The following OLFM4 variants were observed in gnomAD, a reference collection of about 807,000 sequenced individuals.
OLFM4 encodes the protein olfactomedin 4, also known as olfactomedin-4.
Under a neutral mutation model 25.5 loss-of-function variants are expected in OLFM4, and 22 were observed. That is an observed-to-expected ratio of 0.86 (90% CI 0.62 to 1.23). The LOEUF is 1.23. Among genes scored for constraint, OLFM4 ranks in the 50% most tolerant of loss-of-function variants. OLFM4 has a pLI of 0.00. For synonymous variants in OLFM4, 255 were observed against 237.7 expected (o/e 1.07, Z -0.67); for missense variants, 594 against 619.4 (o/e 0.96, Z 0.44).
In OLFM4 at chr13:53,041,945, A is replaced by G; in HGVS notation, c.393A>G (p.Glu131=). Residue 131 remains glutamate, a synonymous_variant, in exon 3 of 5, where the codon GAA becomes GAG. Transcript: ENST00000219022. ...ATGTCCAATTAATTAGTGTGTATGA[A>G]AAGAAACTGTTAAACCTAACTGTCC... is the stretch of plus-strand genomic sequence containing the variant. The part of the protein sequence containing the change: ...REYVQLISVY[E]KKLLNLTVRI... 6.2e-7 allele frequency: 1 copy of G among 1,613,970 alleles called. No homozygotes were observed. The highest frequency in any genetic ancestry group is 1.7e-4 in the Middle Eastern group (1 of 6,058).
chr13:53,037,857 G>A (rs996931503), intron 2 of OLFM4, among the ~76,000 whole-genome samples: 8 of 152,178 alleles, frequency 5.3e-5, no homozygotes, highest in African/African-American at 1.9e-4. Flanking sequence ...TGAGAGACTG[G>A]CAGAAACATG....
intron 4 of OLFM4, among the ~76,000 whole-genome samples, chr13:53,045,105 C>T (rs1189941284): frequency 6.6e-6 from 1 of 152,066 alleles, no homozygotes; most frequent in East Asian, 1.9e-4. Flanking sequence ...GTCTTTGCTC[C>T]CTGGTCAGTT....
intron 4 of OLFM4, among the ~76,000 whole-genome samples, chr13:53,044,550 T>G (rs116359429): frequency 7.9e-5 from 12 of 152,262 alleles, no homozygotes; most frequent in African/African-American, 2.9e-4. Flanking sequence ...TTCAGGTGGA[T>G]TTTTTTCCTC....
At chr13:53,034,853 C>A (rs1451103131) in intron 2 of OLFM4, among the ~76,000 whole-genome samples, 1 of 152,162 alleles carries the variant, frequency 6.6e-6, no homozygotes, top group East Asian at 1.9e-4. Flanking sequence ...TAGGTCTTTC[C>A]TCAAGCTTTG....
At chr13:53,038,188 C>T (rs527312432) in intron 2 of OLFM4, among the ~76,000 whole-genome samples, 5 of 152,084 alleles carry the variant, frequency 3.3e-5, no homozygotes, top group East Asian at 1.9e-4. Context: ...TGTTTAGCAG[C>T]GTCCCTGGTC....
At position 53,051,867 on chromosome 13, in the gene OLFM4, A is replaced by G. The variant is rs1288206142; in HGVS notation, c.*1096A>G. ...GAGCTATAGAAAAGCTATTGAGAGT[A>G]TCTAGTTAATCAGTGCAGTAGTTGG... is the stretch of plus-strand genomic sequence containing the variant. On this transcript the variant is annotated 3_prime_UTR_variant, in exon 5 of 5. Coordinates refer to ENST00000219022, the MANE Select transcript of OLFM4 (RefSeq NM_006418.5). The G allele has an allele frequency of 6.6e-6, 1 of 152,174 alleles. No homozygotes were observed. The highest frequency in any genetic ancestry group is 2.4e-5 in the African/African-American group (1 of 41,442). The allele number at this position is 152,174 out of a possible 1,614,324, so 9.4% of individuals were successfully genotyped here.
intron 3 of OLFM4, among the ~76,000 whole-genome samples, chr13:53,042,457 C>T (rs915779015): frequency 3.1e-4 from 47 of 152,308 alleles, no homozygotes; most frequent in African/African-American, 1.1e-3. Flanking sequence ...GTCTTCTCTG[C>T]TCTAGATTTA....
At chr13:53,040,725 C>A (rs1954682568) in intron 2 of OLFM4, among the ~76,000 whole-genome samples, 1 of 152,136 alleles carries the variant, frequency 6.6e-6, no homozygotes, top group Non-Finnish European at 1.5e-5. Flanking sequence ...AAATGACAAT[C>A]CAGTCCCAAA....
chr13:53,034,459 G>A lies in OLFM4; in HGVS notation c.316G>A (p.Ala106Thr). 6.2e-7 allele frequency: 1 copy of A among 1,613,550 alleles called. No homozygotes were observed. The highest frequency in any genetic ancestry group is 8.5e-7 in the Non-Finnish European group (1 of 1,179,878). ...CAGAGTGGAACGCTTGGAATTCACA[G>A]CTCATGTTCTTTCTCAGAAGTTTGA... ...VDRVERLEFTAHVLSQKFEKE... is the reference protein window; with the variant it reads ...VDRVERLEFTTHVLSQKFEKE... The change falls in exon 2 of 5, where the codon GCT (alanine) becomes ACT (threonine). Residue 106 changes from alanine (A) to threonine (T), a missense_variant. By Grantham distance (58) the Ala-to-Thr change is moderately conservative (BLOSUM62 0). Coordinates refer to ENST00000219022, the MANE Select transcript of OLFM4 (RefSeq NM_006418.5).
rs367842330 is a variant in OLFM4 at position 53,042,150 on chromosome 13, A to G, written c.570+28A>G. The G allele has an allele frequency of 2.9e-5, 46 of 1,592,538 alleles. No homozygotes were observed. In the African/African-American group the frequency reaches 4.7e-4, roughly 16 times the overall value. On this transcript the variant is annotated intron_variant, in intron 3 of 4. Transcript: ENST00000219022. The stretch of plus-strand genomic sequence containing the variant: ...AAGGAGTGAACTCACTTCTTGGTAA[A>G]TTAATAATAAACTCCCTTCAGTGAC...
At chr13:53,042,967 C>A (rs1954695251) in intron 3 of OLFM4, 138 bp from the exon 4 acceptor site, 1 of 634,998 alleles carries the variant, frequency 1.6e-6, no homozygotes, top group African/African-American at 1.9e-5. Context: ...AAAATGTATT[C>A]TTCCAAATGA....
At chr13:53,044,529 T>A (rs1954705374) in intron 4 of OLFM4, among the ~76,000 whole-genome samples, 1 of 152,216 alleles carries the variant, frequency 6.6e-6, no homozygotes, top group African/African-American at 2.4e-5. Flanking sequence ...GATATAAGCC[T>A]CTTGGTCTTC....
intron 2 of OLFM4, among the ~76,000 whole-genome samples, chr13:53,034,992 C>A: frequency 6.6e-6 from 1 of 151,838 alleles, no homozygotes; most frequent in Non-Finnish European, 1.5e-5. Context: ...CAATCCTTGC[C>A]CTTATTCATC....
chr13:53,043,085 C>A lies in OLFM4; in HGVS notation c.571-20C>A. The A allele has an allele frequency of 6.4e-7, 1 of 1,564,888 alleles. No homozygotes were observed. Among genetic ancestry groups the A allele is most frequent in the Non-Finnish European group, 8.6e-7 (1 of 1,158,048 alleles). On this transcript the variant is annotated intron_variant, in intron 3 of 4. Coordinates refer to ENST00000219022, the MANE Select transcript of OLFM4 (RefSeq NM_006418.5). The stretch of plus-strand genomic sequence containing the variant: ...AATTGCACCATAATATAAAGTCACT[C>A]TGAATTTTTATTTCCTTAGATAAGA...
At chr13:53,047,248 G>A (rs950160520) in intron 4 of OLFM4, among the ~76,000 whole-genome samples, 2 of 152,188 alleles carry the variant, frequency 1.3e-5, no homozygotes, top group South Asian at 4.1e-4. Flanking sequence ...GAAGGAAGGG[G>A]CTGGCAAGGA....
intron 3 of OLFM4, 66 bp downstream of exon 3, chr13:53,042,188 C>T (rs1954690984): frequency 1.5e-6 from 2 of 1,354,092 alleles, no homozygotes; most frequent in African/African-American, 1.4e-5. Context: ...TAAGCAAGTA[C>T]TAGTACCAGG....
chr13:53,050,563 C>T lies in OLFM4; in HGVS notation c.1325C>T (p.Ala442Val), dbSNP rs776896088. 6.2e-7 allele frequency: 1 copy of T among 1,613,916 alleles called. No homozygotes were observed. The highest frequency in any genetic ancestry group is 1.1e-5 in the South Asian group (1 of 91,070). Residue 442 changes from alanine to valine, a missense_variant, in exon 5 of 5, where the codon GCC becomes GTC. Coordinates refer to ENST00000219022, the MANE Select transcript of OLFM4 (RefSeq NM_006418.5). The stretch of plus-strand genomic sequence containing the variant: ...TTCATGGTATGTGGGGTTCTGTATG[C>T]CACCCGTACTATGAACACCAGAACA... ...NAFMVCGVLYATRTMNTRTEE... is the reference protein window; with the variant it reads ...NAFMVCGVLYVTRTMNTRTEE...
chr13:53,044,674 A>G (rs1954706148), intron 4 of OLFM4, among the ~76,000 whole-genome samples: 1 of 152,124 alleles, frequency 6.6e-6, no homozygotes, highest in African/African-American at 2.4e-5. Flanking sequence ...CATAAATTTG[A>G]ACAACTGTTC....
In OLFM4 at chr13:53,050,720, C is replaced by T. The variant is rs201215521; in HGVS notation, c.1482C>T (p.Asn494=). The change falls in exon 5 of 5, where the codon AAC becomes AAT. Residue 494 remains asparagine (N), a synonymous_variant. Coordinates refer to ENST00000219022, the MANE Select transcript of OLFM4 (RefSeq NM_006418.5). ...TTGACCAGAAACTTTATGTCTATAA[C>T]GATGGTTACCTTCTGAATTATGATC... is the stretch of plus-strand genomic sequence containing the variant. ...NPFDQKLYVY[N]DGYLLNYDLS... 30 of 1,610,778 alleles carry T rather than the reference C, an allele frequency of 1.9e-5. No individual in the cohort carries two copies. Among genetic ancestry groups the T allele is most frequent in the East Asian group, 1.6e-4 (7 of 44,854 alleles).
Sources: gnomAD v4.1 joint callset for allele counts (sites outside exome capture counted in the v4.1 genomes callset) on GRCh38, gnomAD v4.1.1 for gene constraint, MANE v1.5 for transcripts, NCBI Gene and HGNC (gene_info 2026-07-23, HGNC 2026-07-21) for gene names.